CD200R1L: variants seen among roughly 807,000 people sequenced by gnomAD.
The protein encoded by CD200R1L is cell surface glycoprotein CD200 receptor 2.
Under a neutral mutation model 24.8 loss-of-function variants are expected in CD200R1L, and 14 were observed. That is an observed-to-expected ratio of 0.56 (90% CI 0.37 to 0.88). CD200R1L has a LOEUF of 0.88. CD200R1L is among the 40% of genes least tolerant of loss of function. The pLI, the probability that CD200R1L is intolerant of heterozygous loss-of-function variation, is 0.00. For missense variants in CD200R1L, 299 were observed against 297.8 expected (o/e 1.00, Z -0.03); for synonymous variants, 111 against 109.2 (o/e 1.02, Z -0.11).
At chr3:112,836,246 G>C (rs1459469235) in intron 3 of CD200R1L, among the ~76,000 whole-genome samples, 3 of 152,144 alleles carry the variant, frequency 2.0e-5, no homozygotes, top group African/African-American at 7.2e-5. Context: ...TGCTCTCACA[G>C]CCACTCCTGC....
chr3:112,815,975 T>C lies in CD200R1L; in HGVS notation c.741A>G (p.Arg247=). The C allele has an allele frequency of 5.1e-6, 4 of 780,498 alleles. No individual in the cohort carries two copies. The highest frequency in any genetic ancestry group is 9.6e-6 in the Non-Finnish European group (4 of 417,754). 48.3% of individuals were successfully genotyped at this position (780,498 alleles called of 1,614,324 possible). ...CCTTCCTTCTTCTTTAAAGAACTTT[T>C]CTGAAAGTATTACACAAGATTTGTA... ...FVFFQRINHV[R]KVL is the part of the protein sequence containing the mutation. The change falls in exon 8 of 8, where the codon AGA becomes AGG. Residue 247 remains arginine, a splice_region_variant and synonymous_variant. Coordinates refer to ENST00000488794, the MANE Select transcript of CD200R1L (RefSeq NM_001199215.3).
At chr3:112,816,054 C>A in intron 7 of CD200R1L, 79 bp from the exon 8 acceptor site, 1 of 747,076 alleles carries the variant, frequency 1.3e-6, no homozygotes, top group South Asian at 1.4e-5. Context: ...GCAAAGGAAA[C>A]TGAGAAATGC....
chr3:112,829,698 C>G (rs1938750331), intron 3 of CD200R1L: 1 of 194,210 alleles, frequency 5.1e-6, no homozygotes, highest in Non-Finnish European at 9.4e-6. Context: ...GGAGATGGGT[C>G]CATGTGGGCA....
At chr3:112,838,875 G>A (rs904693644) in intron 2 of CD200R1L, among the ~76,000 whole-genome samples, 3 of 152,310 alleles carry the variant, frequency 2.0e-5, no homozygotes, top group African/African-American at 2.4e-5. Context: ...TCAATCGGCT[G>A]AAAGGCCTTA....
chr3:112,845,892 C>T lies in CD200R1L; in HGVS notation c.-300G>A. On this transcript the variant is annotated 5_prime_UTR_variant, in exon 2 of 8. Coordinates refer to ENST00000488794, the MANE Select transcript of CD200R1L (RefSeq NM_001199215.3). Reference sequence around the variant, plus strand: ...TTATCTTGCTTATCTTTAATTTTTGCTGTCATTCTATATGTTTTTGACTGA... The same window carrying T: ...TTATCTTGCTTATCTTTAATTTTTGTTGTCATTCTATATGTTTTTGACTGA... 5.1e-6 allele frequency: 3 copies of T among 593,604 alleles called. No homozygotes were observed. Among genetic ancestry groups the T allele is most frequent in the Non-Finnish European group, 8.9e-6 (3 of 335,854 alleles). The allele number at this position is 593,604 out of a possible 1,614,324, so 36.8% of individuals were successfully genotyped here. A position where few individuals can be genotyped will look rare whatever the true frequency, so the allele number is the denominator to read the frequency against.
intron 3 of CD200R1L, among the ~76,000 whole-genome samples, chr3:112,834,272 C>G (rs1441622801): frequency 7.5e-6 from 1 of 133,166 alleles, no homozygotes; most frequent in Middle Eastern, 5.0e-3. Flanking sequence ...GAGTCTCACT[C>G]TGTTGTCCAG....
At chr3:112,821,557 C>T (rs1233313103) in intron 6 of CD200R1L, among the ~76,000 whole-genome samples, 1 of 152,210 alleles carries the variant, frequency 6.6e-6, no homozygotes, top group Admixed American at 6.5e-5. Flanking sequence ...TCCTCTTTCC[C>T]CTCCAGCGCA....
chr3:112,821,855 G>A (rs1480208761), intron 6 of CD200R1L, among the ~76,000 whole-genome samples: 1 of 152,214 alleles, frequency 6.6e-6, no homozygotes, highest in Non-Finnish European at 1.5e-5. Flanking sequence ...TAACACAGAG[G>A]TCAGGGAGAA....
rs1014879692 is a variant in CD200R1L, at chr3:112,845,400, A to G, written c.-87+279T>C. On this transcript the variant is annotated intron_variant, in intron 2 of 7. Coordinates refer to ENST00000488794, the MANE Select transcript of CD200R1L (RefSeq NM_001199215.3). ...TCAAATTGAATCAGTAATTTTAAAAATCTACCAACAAAAGCAGCCCAGGAC... is the reference window on the plus strand; with the variant it reads ...TCAAATTGAATCAGTAATTTTAAAAGTCTACCAACAAAAGCAGCCCAGGAC... Among the ~76,000 whole-genome samples, 3 of 152,302 alleles carry G rather than the reference A, an allele frequency of 2.0e-5. No homozygotes were observed. In the South Asian group the frequency reaches 6.2e-4, roughly 32 times the overall value.
At chr3:112,824,666 A>G (rs1264054078) in intron 6 of CD200R1L, among the ~76,000 whole-genome samples, 1 of 152,242 alleles carries the variant, frequency 6.6e-6, no homozygotes, top group African/African-American at 2.4e-5. Flanking sequence ...CCAAGTGAGA[A>G]TACGAGGAAA....
intron 6 of CD200R1L, among the ~76,000 whole-genome samples, chr3:112,822,430 G>A (rs1938556931): frequency 6.6e-6 from 1 of 152,124 alleles, no homozygotes; most frequent in Admixed American, 6.5e-5. Context: ...TAGAGATTAA[G>A]CTAAAAACCA....
chr3:112,818,637 G>T (rs1163045410), intron 7 of CD200R1L: 1 of 153,626 alleles, frequency 6.5e-6, no homozygotes, highest in African/African-American at 2.4e-5. Flanking sequence ...GTGTAGAGGA[G>T]CCAGGAAGCT....
At chr3:112,829,268 A>G in intron 4 of CD200R1L, 51 bp downstream of exon 4, 1 of 1,389,838 alleles carries the variant, frequency 7.2e-7, no homozygotes, top group South Asian at 1.2e-5. Context: ...ATTCTACTGA[A>G]GTTCAACTTT....
intron 6 of CD200R1L, 58 bp downstream of exon 6, chr3:112,826,935 T>C (rs979130040): frequency 1.4e-5 from 21 of 1,503,254 alleles, no homozygotes; most frequent in Non-Finnish European, 1.8e-5. Context: ...TTCGTTATTT[T>C]CTATGGAAGA....
At chr3:112,827,319 G>C (rs750760135) in intron 5 of CD200R1L, 48 bp downstream of exon 5, 1 of 1,590,734 alleles carries the variant, frequency 6.3e-7, no homozygotes, top group Admixed American at 1.7e-5. Flanking sequence ...ATTTGTTTCA[G>C]TCACAAATCT....
chr3:112,828,139 C>T (rs537932114), intron 4 of CD200R1L, among the ~76,000 whole-genome samples: 3 of 152,256 alleles, frequency 2.0e-5, no homozygotes, highest in Admixed American at 1.3e-4. Flanking sequence ...TCTCCTCCTT[C>T]GTTTTGGTGA....
rs1460268762 is a variant in CD200R1L, at chr3:112,827,540, T to C, written c.194A>G (p.Asn65Ser). The change falls in exon 5 of 8, where the codon AAT (asparagine) becomes AGT (serine). Residue 65 changes from asparagine to serine, a missense_variant. Coordinates refer to ENST00000488794, the MANE Select transcript of CD200R1L (RefSeq NM_001199215.3). ...AGTACAGTTGGTTTCCTTGGTCTCA[T>C]TTGTTTCTTTCTTGTAGGCTTTTGT... ...SCTKAYKKET[N>S]ETKETNCTVE... 6.2e-7 allele frequency: 1 copy of C among 1,614,196 alleles called. No individual in the cohort carries two copies. The highest frequency in any genetic ancestry group is 1.7e-5 in the Admixed American group (1 of 60,022).
At chr3:112,832,635 T>C (rs1938829570) in intron 3 of CD200R1L, among the ~76,000 whole-genome samples, 1 of 152,216 alleles carries the variant, frequency 6.6e-6, no homozygotes, top group South Asian at 2.1e-4. Context: ...TGAATTATAG[T>C]AGATCAATGC....
intron 5 of CD200R1L, 34 bp from the exon 6 acceptor site, chr3:112,827,275 G>A (rs1175273754): frequency 6.3e-7 from 1 of 1,591,150 alleles, no homozygotes; most frequent in Non-Finnish European, 8.6e-7. Flanking sequence ...AAATGCTTCA[G>A]TTTTCACATA....
Sources: gnomAD v4.1 joint callset for allele counts (sites outside exome capture counted in the v4.1 genomes callset) on GRCh38, gnomAD v4.1.1 for gene constraint, MANE v1.5 for transcripts, NCBI Gene and HGNC (gene_info 2026-07-23, HGNC 2026-07-21) for gene names.